ABCB11: variants seen among roughly 807,000 people sequenced by gnomAD.
ABCB11 encodes ATP binding cassette subfamily B member 11.
A neutral mutation model predicts 148.0 loss-of-function variants in ABCB11; 95 were observed. The observed-to-expected ratio is 0.64, with a 90% CI of 0.54 to 0.76. The LOEUF is 0.76. Ranked by LOEUF, ABCB11 falls within the 30% of genes least tolerant of loss-of-function variation. The pLI, the probability that ABCB11 is intolerant of heterozygous loss-of-function variation, is 0.00. For synonymous variants in ABCB11, 591 were observed against 555.4 expected (o/e 1.06, Z -0.90); for missense variants, 1,523 against 1,617.8 (o/e 0.94, Z 1.01).
chr2:168,934,834 C>A (rs978153347), intron 23 of ABCB11, among the ~76,000 whole-genome samples: 1 of 152,132 alleles, frequency 6.6e-6, no homozygotes, highest in Non-Finnish European at 1.5e-5. Context: ...TTTGGCCAAA[C>A]AGAAAATTAG....
intron 18 of ABCB11, among the ~76,000 whole-genome samples, chr2:168,963,314 G>A (rs3770582): frequency 0.52 from 78,250 of 151,606 alleles, 21,875 homozygotes; most frequent in African/African-American, 0.73. Flanking sequence ...CACAAATAAG[G>A]TGTATCACTA....
chr2:168,916,929 A>G (rs575713536), downstream of ABCB11, among the ~76,000 whole-genome samples: 9 of 152,244 alleles, frequency 5.9e-5, no homozygotes, highest in South Asian at 1.9e-3. Flanking sequence ...ACATGATGAA[A>G]CTGTTCTGAT....
intron 5 of ABCB11, among the ~76,000 whole-genome samples, chr2:169,012,748 AAAAAAAG>A (rs1355934676): frequency 0.022 from 3,368 of 151,218 alleles, 58 homozygotes; most frequent in African/African-American, 0.038. Flanking sequence ...TAAAAAAAAA[AAAAAAAG>A]AAAAAAGAAA....
At chr2:168,941,609 C>T (rs972165192) in intron 21 of ABCB11, among the ~76,000 whole-genome samples, 1 of 152,002 alleles carries the variant, frequency 6.6e-6, no homozygotes, top group Non-Finnish European at 1.5e-5. Flanking sequence ...GGTGAAAATG[C>T]TATGTTAATA....
intron 2 of ABCB11, 162 bp downstream of exon 2, chr2:169,017,888 A>T (rs1695412699): frequency 1.3e-6 from 1 of 776,086 alleles, no homozygotes; most frequent in African/African-American, 1.7e-5. Flanking sequence ...CGTTACATGG[A>T]TTCTAGGGAG....
chr2:168,967,299 T>G (rs934585065), intron 17 of ABCB11, among the ~76,000 whole-genome samples: 3 of 151,878 alleles, frequency 2.0e-5, no homozygotes, highest in African/African-American at 7.2e-5. Flanking sequence ...ATTCAGTAAA[T>G]TCAGTCAAAC....
At chr2:168,952,918 C>G (rs1692634252) in intron 19 of ABCB11, among the ~76,000 whole-genome samples, 1 of 151,376 alleles carries the variant, frequency 6.6e-6, no homozygotes, top group African/African-American at 2.4e-5. Flanking sequence ...CATTTTCATT[C>G]ATTTCAAAAA....
At chr2:168,979,011 T>C (rs558077423) in intron 11 of ABCB11, among the ~76,000 whole-genome samples, 1 of 152,170 alleles carries the variant, frequency 6.6e-6, no homozygotes, top group Non-Finnish European at 1.5e-5. Context: ...AGAGCCACCA[T>C]GCCTGGCCTG....
At chr2:168,982,944 C>G (rs1032102562) in intron 10 of ABCB11, among the ~76,000 whole-genome samples, 1 of 151,958 alleles carries the variant, frequency 6.6e-6, no homozygotes, top group Non-Finnish European at 1.5e-5. Flanking sequence ...TGTTAGAGAC[C>G]CATAGTATGC....
At chr2:168,982,683 A>T (rs1415184836) in intron 10 of ABCB11, among the ~76,000 whole-genome samples, 1 of 152,170 alleles carries the variant, frequency 6.6e-6, no homozygotes, top group Non-Finnish European at 1.5e-5. Context: ...CAAACCGTTA[A>T]TTAGTTTTGT....
chr2:168,925,682 C>T (rs1411916048), intron 26 of ABCB11, among the ~76,000 whole-genome samples: 5 of 152,182 alleles, frequency 3.3e-5, no homozygotes, highest in East Asian at 1.9e-4. Flanking sequence ...TTCCACAACA[C>T]GAGCTGTTTC....
chr2:168,962,043 A>G (rs554874281), intron 18 of ABCB11, among the ~76,000 whole-genome samples: 2 of 151,766 alleles, frequency 1.3e-5, no homozygotes. Flanking sequence ...TAGAAATTTC[A>G]TAAGTCAAAT....
intron 18 of ABCB11, among the ~76,000 whole-genome samples, chr2:168,958,568 T>G (rs781465338): frequency 2.0e-5 from 3 of 151,774 alleles, no homozygotes; most frequent in Non-Finnish European, 3.0e-5. Context: ...GGTAGGCCAG[T>G]ATATATGAAA....
intron 19 of ABCB11, among the ~76,000 whole-genome samples, chr2:168,951,320 T>C (rs1239144153): frequency 6.6e-6 from 1 of 151,866 alleles, no homozygotes; most frequent in African/African-American, 2.4e-5. Context: ...AGTGATTGCA[T>C]TGAATCAGTG....
rs968337486 is a variant in ABCB11, at chr2:168,974,938, T to G, written c.1309-1098A>C. 1.9e-4 allele frequency among the ~76,000 whole-genome samples: 28 copies of G among 149,028 alleles called. No homozygotes were observed. The East Asian group carries it at 5.1e-3, about 27-fold the overall frequency. The stretch of plus-strand genomic sequence containing the variant: ...AGAATATATATTTACTTATGTTTTA[T>G]ATATTTATGTATATAATGAAGGTAA... On this transcript the variant is annotated intron_variant, in intron 12 of 27. Coordinates refer to ENST00000650372, the MANE Select transcript of ABCB11 (RefSeq NM_003742.4).
At chr2:169,004,358 GT>G (rs1694961724) in intron 5 of ABCB11, among the ~76,000 whole-genome samples, 1 of 152,062 alleles carries the variant, frequency 6.6e-6, no homozygotes, top group African/African-American at 2.4e-5. Flanking sequence ...TGGAAGCTTT[GT>G]TCATTTTTTA....
chr2:168,949,473 AT>A (rs1432086657), intron 19 of ABCB11, among the ~76,000 whole-genome samples: 1 of 151,126 alleles, frequency 6.6e-6, no homozygotes, highest in Non-Finnish European at 1.5e-5. Context: ...TTGTTTCTGA[AT>A]TTTTTCACTT....
At chr2:168,943,062 T>A (rs1244890353) in intron 21 of ABCB11, among the ~76,000 whole-genome samples, 1 of 151,994 alleles carries the variant, frequency 6.6e-6, no homozygotes, top group African/African-American at 2.4e-5. Flanking sequence ...AGAAAAATTC[T>A]GAGAAAATCC....
At chr2:168,984,068 TG>T (rs1272938272) in intron 10 of ABCB11, among the ~76,000 whole-genome samples, 2 of 151,988 alleles carry the variant, frequency 1.3e-5, no homozygotes, top group African/African-American at 4.8e-5. Flanking sequence ...AAGGCCTGAC[TG>T]GGAAAGTGGC....
Sources: gnomAD v4.1 joint callset for allele counts (sites outside exome capture counted in the v4.1 genomes callset) on GRCh38, gnomAD v4.1.1 for gene constraint, MANE v1.5 for transcripts, NCBI Gene and HGNC (gene_info 2026-07-23, HGNC 2026-07-21) for gene names.